PPP2R2C: variants seen among roughly 807,000 people sequenced by gnomAD.
PPP2R2C encodes protein phosphatase 2 regulatory subunit Bgamma, also known as protein phosphatase 2, regulatory subunit B, gamma.
PPP2R2C carries 10 observed loss-of-function variants against 45.3 expected under a neutral mutation model. The ratio of observed to expected loss-of-function variants is 0.22; its 90% CI spans 0.14 to 0.37. The LOEUF (loss-of-function observed/expected upper bound fraction) is 0.37, where lower values mean the gene tolerates loss of function less well. PPP2R2C is among the 10% of genes least tolerant of loss of function. The pLI, the probability that PPP2R2C is intolerant of heterozygous loss-of-function variation, is 1.00. For synonymous variants in PPP2R2C, 257 were observed against 245.4 expected (o/e 1.05, Z -0.44); for missense variants, 308 against 619.7 (o/e 0.50, Z 5.34).
chr4:6,352,647 G>A (rs939589541), intron 5 of PPP2R2C, among the ~76,000 whole-genome samples: 4 of 152,216 alleles, frequency 2.6e-5, no homozygotes, highest in African/African-American at 9.6e-5. Context: ...AGAGAGAGGA[G>A]CAAGTTATGC....
intron 2 of PPP2R2C, among the ~76,000 whole-genome samples, chr4:6,500,538 A>G (rs1723016778): frequency 6.6e-6 from 1 of 152,142 alleles, no homozygotes; most frequent in Non-Finnish European, 1.5e-5. Flanking sequence ...TCGGCCTTGG[A>G]CCTACCATCA....
At chr4:6,351,224 G>A (rs2109234634) in intron 5 of PPP2R2C, 1 of 470,266 alleles carries the variant, frequency 2.1e-6, no homozygotes. Flanking sequence ...TGAGGCAGGA[G>A]AATCGCTTGA....
intron 5 of PPP2R2C, among the ~76,000 whole-genome samples, chr4:6,365,111 G>A (rs1270946949): frequency 3.9e-5 from 6 of 152,098 alleles, no homozygotes; most frequent in Admixed American, 1.3e-4. Flanking sequence ...CCATACAACT[G>A]TACTCGCAGG....
intron 1 of PPP2R2C, among the ~76,000 whole-genome samples, chr4:6,426,672 G>A (rs767392307): frequency 1.4e-4 from 22 of 152,174 alleles, no homozygotes; most frequent in Non-Finnish European, 2.9e-4. Context: ...ATCAGGGGAC[G>A]GCAGAGTAGA....
At chr4:6,338,920 G>A (rs1229705794) in intron 6 of PPP2R2C, among the ~76,000 whole-genome samples, 3 of 152,254 alleles carry the variant, frequency 2.0e-5, no homozygotes, top group Non-Finnish European at 4.4e-5. Context: ...ATCTGGAGAA[G>A]GAGCACGATG....
At chr4:6,402,905 G>A (rs1300940997) in intron 1 of PPP2R2C, among the ~76,000 whole-genome samples, 1 of 152,234 alleles carries the variant, frequency 6.6e-6, no homozygotes, top group Non-Finnish European at 1.5e-5. Context: ...GGCAGACAGA[G>A]GCCTCAACTG....
chr4:6,410,400 G>C (rs1718085704), intron 1 of PPP2R2C, among the ~76,000 whole-genome samples: 1 of 152,220 alleles, frequency 6.6e-6, no homozygotes, highest in Non-Finnish European at 1.5e-5. Flanking sequence ...GTGGCCACGA[G>C]TGAGTAACTG....
intron 1 of PPP2R2C, among the ~76,000 whole-genome samples, chr4:6,463,564 G>C (rs73796209): frequency 0.03 from 4,605 of 152,340 alleles, 94 homozygotes; most frequent in Middle Eastern, 0.037. Flanking sequence ...CCTGTCCTGG[G>C]CAGCACAGGG....
At chr4:6,404,760 C>T (rs985064109) in intron 1 of PPP2R2C, among the ~76,000 whole-genome samples, 18 of 152,124 alleles carry the variant, frequency 1.2e-4, no homozygotes, top group Non-Finnish European at 2.1e-4. Context: ...CAGGGAGGCA[C>T]GGAAAAGCGA....
At chr4:6,489,496 T>A (rs1025904114) in intron 2 of PPP2R2C, among the ~76,000 whole-genome samples, 1 of 152,206 alleles carries the variant, frequency 6.6e-6, no homozygotes, top group African/African-American at 2.4e-5. Context: ...CCTTTTATTA[T>A]GCACCCCTCA....
intron 2 of PPP2R2C, among the ~76,000 whole-genome samples, chr4:6,524,023 C>T (rs1225212751): frequency 1.3e-5 from 2 of 152,126 alleles, no homozygotes; most frequent in African/African-American, 2.4e-5. Flanking sequence ...AAGCAATTCT[C>T]CTGCCTCAGC....
At chr4:6,427,603 T>C (rs1439373963) in intron 1 of PPP2R2C, among the ~76,000 whole-genome samples, 1 of 152,220 alleles carries the variant, frequency 6.6e-6, no homozygotes, top group Non-Finnish European at 1.5e-5. Context: ...CAGTGGCTCC[T>C]TCCCCTGTGA....
At chr4:6,511,486 T>A (rs1452337937) in intron 2 of PPP2R2C, among the ~76,000 whole-genome samples, 16 of 12,666 alleles carry the variant, frequency 1.3e-3, no homozygotes, top group South Asian at 7.3e-3. Context: ...GATGGCGGTG[T>A]TGGTGGTGAT....
chr4:6,464,002 T>C (rs1359032267), intron 1 of PPP2R2C, among the ~76,000 whole-genome samples: 3 of 152,224 alleles, frequency 2.0e-5, no homozygotes, highest in Non-Finnish European at 4.4e-5. Flanking sequence ...CCAATTAATG[T>C]AGCAGTCAGG....
Position 6,465,031 on chromosome 4 carries a change from G to C in PPP2R2C, c.70+7129C>G, listed in dbSNP as rs576594860. Among the ~76,000 whole-genome samples, 3 of 152,306 alleles carry C rather than the reference G, an allele frequency of 2.0e-5. No homozygotes were observed. In the East Asian group the frequency reaches 5.8e-4, roughly 29 times the overall value. ...AGGAATAGTATGCAGCCAATGAAAT[G>C]ATGGTTGTCAATACGTGTACTGTGT... On this transcript the variant is annotated intron_variant, in intron 1 of 8. Coordinates refer to ENST00000382599, the MANE Select transcript of PPP2R2C (RefSeq NM_020416.4).
chr4:6,410,874 T>G (rs994482436), intron 1 of PPP2R2C, among the ~76,000 whole-genome samples: 80 of 149,732 alleles, frequency 5.3e-4, no homozygotes, highest in African/African-American at 1.9e-3. Context: ...TATTTATTTA[T>G]TTATTTATTT....
chr4:6,359,011 T>C (rs1028370234), intron 5 of PPP2R2C, among the ~76,000 whole-genome samples: 1 of 152,190 alleles, frequency 6.6e-6, no homozygotes, highest in Non-Finnish European at 1.5e-5. Flanking sequence ...ACCCAAAGGA[T>C]TATAAATCAT....
intron 1 of PPP2R2C, among the ~76,000 whole-genome samples, chr4:6,438,296 G>A (rs1290515808): frequency 7.2e-5 from 11 of 152,226 alleles, no homozygotes; most frequent in Non-Finnish European, 1.5e-4. Context: ...TTCTCAGTGT[G>A]TTAATGTTTT....
chr4:6,492,200 G>T (rs1216122753), intron 2 of PPP2R2C, among the ~76,000 whole-genome samples: 1 of 152,204 alleles, frequency 6.6e-6, no homozygotes, highest in Non-Finnish European at 1.5e-5. Flanking sequence ...CTCTCATGGG[G>T]TGGACACAGC....
Sources: gnomAD v4.1 joint callset for allele counts (sites outside exome capture counted in the v4.1 genomes callset) on GRCh38, gnomAD v4.1.1 for gene constraint, MANE v1.5 for transcripts, NCBI Gene and HGNC (gene_info 2026-07-23, HGNC 2026-07-21) for gene names.